Variants in PHKB observed in about 807,000 individuals in gnomAD.
The protein encoded by PHKB is phosphorylase b kinase regulatory subunit beta.
In PHKB, 122 loss-of-function variants were observed where a neutral mutation model predicts 152.1. The ratio of observed to expected loss-of-function variants is 0.80; its 90% CI spans 0.69 to 0.93. The LOEUF (loss-of-function observed/expected upper bound fraction) is 0.93, where lower values mean the gene tolerates loss of function less well. Among genes scored for constraint, PHKB ranks in the 40% least tolerant of loss-of-function variants. The pLI, the probability that PHKB is intolerant of heterozygous loss-of-function variation, is 0.00. For synonymous variants in PHKB, 436 were observed against 464.9 expected, an observed-to-expected ratio of 0.94 and a Z score of 0.80; for missense variants, 1,304 against 1,328.4, an observed-to-expected ratio of 0.98 and a Z score of 0.29.
At chr16:47,571,612 C>G (rs1296271474) in intron 7 of PHKB, among the ~76,000 whole-genome samples, 3 of 152,168 alleles carry the variant, frequency 2.0e-5, no homozygotes, top group Admixed American at 2.0e-4. Flanking sequence ...GCACTCCTCC[C>G]AAGGCGATGC....
chr16:47,624,951 A>G (rs1291778707), intron 14 of PHKB, among the ~76,000 whole-genome samples: 2 of 152,210 alleles, frequency 1.3e-5, no homozygotes, highest in Non-Finnish European at 2.9e-5. Context: ...AAGACATTCA[A>G]CACAATTGAA....
chr16:47,633,022 GA>G (rs1196847392), intron 14 of PHKB, among the ~76,000 whole-genome samples: 1 of 152,106 alleles, frequency 6.6e-6, no homozygotes. Context: ...AAATGGTTAA[GA>G]TGTTAAATTT....
At chr16:47,544,369 T>C (rs1325412529) in intron 6 of PHKB, among the ~76,000 whole-genome samples, 2 of 152,198 alleles carry the variant, frequency 1.3e-5, no homozygotes, top group African/African-American at 4.8e-5. Flanking sequence ...CAGGAGCAGG[T>C]TCTTCAGTTT....
intron 14 of PHKB, among the ~76,000 whole-genome samples, chr16:47,639,840 G>A (rs1972985726): frequency 6.6e-6 from 1 of 152,034 alleles, no homozygotes; most frequent in Non-Finnish European, 1.5e-5. Flanking sequence ...GTAAATACTA[G>A]ATCTCATCCA....
Position 47,511,727 on chromosome 16 carries a change from T to C in PHKB, c.468T>C (p.His156=), listed in dbSNP as rs1446574598. ...TTCLHSVFNV[H]TGDELLSYEE... Reference sequence around the variant, plus strand: ...GTCTTCACTCTGTTTTCAATGTGCATACAGGAGATGAGTTGCTTTCCTATG... The same window carrying C: ...GTCTTCACTCTGTTTTCAATGTGCACACAGGAGATGAGTTGCTTTCCTATG... The change falls in exon 5 of 31, where the codon CAT becomes CAC. Residue 156 remains histidine, a synonymous_variant. Coordinates refer to ENST00000323584, the MANE Select transcript of PHKB (RefSeq NM_000293.3). The C allele has an allele frequency of 6.2e-7, 1 of 1,612,732 alleles. No individual in the cohort carries two copies.
intron 16 of PHKB, among the ~76,000 whole-genome samples, chr16:47,646,623 A>G (rs1358890935): frequency 6.6e-6 from 1 of 151,120 alleles, no homozygotes; most frequent in East Asian, 1.9e-4. Context: ...CATTAAATAT[A>G]TTAGAAAATG....
At chr16:47,641,292 G>A (rs1973016502) in intron 15 of PHKB, among the ~76,000 whole-genome samples, 1 of 152,130 alleles carries the variant, frequency 6.6e-6, no homozygotes, top group South Asian at 2.1e-4. Flanking sequence ...TTTTAGTTGA[G>A]GTGAATATTA....
chr16:47,650,757 G>A, intron 19 of PHKB, 74 bp from the exon 20 acceptor site: 1 of 1,277,878 alleles, frequency 7.8e-7, no homozygotes, highest in Non-Finnish European at 1.1e-6. Context: ...TATATATAAG[G>A]GGCACTTAGT....
At chr16:47,537,896 CTCTCTCTT>C (rs995105663) in intron 6 of PHKB, among the ~76,000 whole-genome samples, 8 of 149,012 alleles carry the variant, frequency 5.4e-5, no homozygotes, top group African/African-American at 2.1e-4. Flanking sequence ...CTCTCTCTCT[CTCTCTCTT>C]TTTAAGTTGA....
At chr16:47,480,433 G>T (rs918039650) in intron 1 of PHKB, among the ~76,000 whole-genome samples, 10 of 152,142 alleles carry the variant, frequency 6.6e-5, no homozygotes, top group African/African-American at 2.4e-4. Context: ...ACTGGCTTTA[G>T]AAGTTCTTTT....
intron 14 of PHKB, among the ~76,000 whole-genome samples, chr16:47,622,975 A>G (rs1448299618): frequency 1.3e-5 from 2 of 152,216 alleles, no homozygotes; most frequent in Non-Finnish European, 2.9e-5. Context: ...TATATGTGTA[A>G]TAAATTTTTG....
chr16:47,488,120 A>G (rs1010420449), intron 1 of PHKB, among the ~76,000 whole-genome samples: 1 of 152,064 alleles, frequency 6.6e-6, no homozygotes, highest in African/African-American at 2.4e-5. Context: ...TGACTTTTTA[A>G]TAATAGCCCC....
At chr16:47,591,108 ATTTCTC>A (rs1451169712) in intron 10 of PHKB, among the ~76,000 whole-genome samples, 1 of 151,626 alleles carries the variant, frequency 6.6e-6, no homozygotes, top group East Asian at 1.9e-4. Flanking sequence ...AAGGATATCT[ATTTCTC>A]TTTCTTTTTT....
At chr16:47,563,337 T>C (rs1016070478) in intron 7 of PHKB, among the ~76,000 whole-genome samples, 1 of 151,828 alleles carries the variant, frequency 6.6e-6, no homozygotes, top group Non-Finnish European at 1.5e-5. Flanking sequence ...TCTTAAATAA[T>C]AAAACTTGAA....
At chr16:47,566,069 T>G in intron 7 of PHKB, 1 of 664,210 alleles carries the variant, frequency 1.5e-6, no homozygotes, top group South Asian at 1.7e-5. Flanking sequence ...CACTGCCAAA[T>G]GCTTTTTTGC....
chr16:47,552,410 T>C lies in PHKB; in HGVS notation c.710+4862T>C, dbSNP rs147162449. Among the ~76,000 whole-genome samples, 1,141 of 152,308 alleles carry C rather than the reference T, an allele frequency of 7.5e-3. 19 individuals are homozygous for C. The highest frequency in any genetic ancestry group is 0.026 in the African/African-American group (1,082 of 41,578). On this transcript the variant is annotated intron_variant, in intron 7 of 30. Coordinates refer to ENST00000323584, the MANE Select transcript of PHKB (RefSeq NM_000293.3). ...AGGAGCTCTTGTAAGGCAGGCCTGG[T>C]GGTGACAAAATCTCTCAGAATTTGC...
At chr16:47,689,928 G>T (rs1206636239) in intron 27 of PHKB, among the ~76,000 whole-genome samples, 1 of 152,192 alleles carries the variant, frequency 6.6e-6, no homozygotes, top group African/African-American at 2.4e-5. Context: ...TCAACTAGCT[G>T]TTTTTATGAG....
At chr16:47,650,742 C>G in intron 19 of PHKB, 89 bp from the exon 20 acceptor site, 2 of 1,250,598 alleles carry the variant, frequency 1.6e-6, no homozygotes, top group Non-Finnish European at 2.4e-6. Flanking sequence ...TGGTGGAATA[C>G]TTTGTATATA....
chr16:47,682,375 T>C (rs1435507677), intron 26 of PHKB, among the ~76,000 whole-genome samples: 1 of 152,226 alleles, frequency 6.6e-6, no homozygotes, highest in African/African-American at 2.4e-5. Context: ...CTTGGTTCCA[T>C]TCTCCCCGTC....
Sources: allele counts gnomAD v4.1 joint callset (sites outside exome capture counted in the v4.1 genomes callset), GRCh38; gene constraint gnomAD v4.1.1; transcripts MANE v1.5; gene names NCBI Gene and HGNC (gene_info 2026-07-23, HGNC 2026-07-21).